Variants in FNDC1 observed in about 807,000 individuals in gnomAD.
FNDC1 encodes fibronectin type III domain containing 1.
A neutral mutation model predicts 168.0 loss-of-function variants in FNDC1; 96 were observed. That is an observed-to-expected ratio of 0.57 (90% CI 0.48 to 0.68). The LOEUF is 0.68. FNDC1 is among the 30% of genes least tolerant of loss of function. The pLI, the probability that FNDC1 is intolerant of heterozygous loss-of-function variation, is 0.00. For missense variants in FNDC1, 2,587 were observed against 2,482.1 expected (o/e 1.04, Z -0.90); for synonymous variants, 1,099 against 1,025.9 (o/e 1.07, Z -1.36).
intron 1 of FNDC1, among the ~76,000 whole-genome samples, chr6:159,175,220 G>A (rs942871041): frequency 2.6e-5 from 4 of 152,064 alleles, no homozygotes; most frequent in Non-Finnish European, 5.9e-5. Context: ...ATAATAACTG[G>A]CAGTTTAAAG....
At chr6:159,268,722 C>CTAT (rs1777642507) in intron 22 of FNDC1, among the ~76,000 whole-genome samples, 1 of 113,984 alleles carries the variant, frequency 8.8e-6, no homozygotes, top group Non-Finnish European at 2.0e-5. Context: ...ATTTATGCAT[C>CTAT]CATCTATCTA....
rs1783157093 is a variant in FNDC1 at position 159,233,547 on chromosome 6, C to T, written c.3035C>T (p.Thr1012Met). The T allele has an allele frequency of 1.3e-6, 2 of 1,594,040 alleles. No individual in the cohort carries two copies. The highest frequency in any genetic ancestry group is 1.7e-5 in the Admixed American group (1 of 58,130). The change falls in exon 11 of 23, where the codon ACG becomes ATG. Residue 1012 changes from threonine to methionine, a missense_variant. Coordinates refer to ENST00000297267, the MANE Select transcript of FNDC1 (RefSeq NM_032532.3). The surrounding 1 kb of genome is among the most constrained non-coding windows in gnomAD (Gnocchi z 4.6). ...PQQQPPPPVA[T>M]SQHHPGPQSR... The stretch of plus-strand genomic sequence containing the variant: ...CAGCAGCCCCCTCCTCCCGTCGCCA[C>T]GTCCCAGCACCACCCGGGACCCCAG...
chr6:159,192,766 T>A (rs912917144), intron 1 of FNDC1, among the ~76,000 whole-genome samples: 1 of 152,120 alleles, frequency 6.6e-6, no homozygotes, highest in African/African-American at 2.4e-5. Flanking sequence ...CATCCCACAC[T>A]CCTCTCCCTG....
rs1397205279 is a variant in FNDC1, at chr6:159,200,538, T to C, written c.417T>C (p.Gly139=). 1.2e-6 allele frequency: 2 copies of C among 1,600,588 alleles called. No homozygotes were observed. The highest frequency in any genetic ancestry group is 1.7e-6 in the Non-Finnish European group (2 of 1,172,976). Residue 139 remains glycine (G), a synonymous_variant, in exon 4 of 23, where the codon GGT becomes GGC. Transcript: ENST00000297267. ...GAGGTGAATGGATCGAGATTGATGG[T>C]TTTCCCATTAAGGGTCCAGGACCAT... The part of the protein sequence containing the change: ...PPGGEWIEID[G]FPIKGPGPFN...
intron 7 of FNDC1, among the ~76,000 whole-genome samples, chr6:159,224,975 T>A (rs1380659480): frequency 1.3e-5 from 2 of 152,206 alleles, no homozygotes; most frequent in African/African-American, 4.8e-5. Context: ...TATAGGTGCC[T>A]CTGTCCTGCT....
At chr6:159,172,497 A>G (rs148768240) in intron 1 of FNDC1, among the ~76,000 whole-genome samples, 96 of 152,326 alleles carry the variant, frequency 6.3e-4, no homozygotes, top group African/African-American at 2.1e-3. Flanking sequence ...AAAGTTTCCC[A>G]ATATTTAAAT....
chr6:159,266,078 G>C lies in FNDC1; in HGVS notation c.5285-6G>C, dbSNP rs1360991511. 3 of 1,613,558 alleles carry C rather than the reference G, an allele frequency of 1.9e-6. No individual in the cohort carries two copies. On this transcript the variant is annotated splice_region_variant and splice_polypyrimidine_tract_variant and intron_variant, in intron 20 of 22. Coordinates refer to ENST00000297267, the MANE Select transcript of FNDC1 (RefSeq NM_032532.3). ...ACCCTTAGCAGGTGTGTTTTGTGTT[G>C]TCAAGGCGGTGAGCCTATCTGGATC...
chr6:159,170,855 T>C (rs1003065420), intron 1 of FNDC1, among the ~76,000 whole-genome samples: 1 of 152,218 alleles, frequency 6.6e-6, no homozygotes, highest in Non-Finnish European at 1.5e-5. Flanking sequence ...TCTAGGAAAG[T>C]ATTCACTGAA....
At position 159,234,158 on chromosome 6, in the gene FNDC1, G is replaced by C. The variant is rs192765104; in HGVS notation, c.3646G>C (p.Asp1216His). 1 of 1,598,528 alleles carries C rather than the reference G, an allele frequency of 6.3e-7. No homozygotes were observed. Among genetic ancestry groups the C allele is most frequent in the Admixed American group, 1.7e-5 (1 of 57,872 alleles). Reference protein sequence around the residue: ...SSTPRGGKDADGSLAKEEREP... With the variant: ...SSTPRGGKDAHGSLAKEEREP... ...CACTCCCAGGGGCGGCAAAGACGCC[G>C]ATGGGAGCCTCGCCAAGGAAGAGAG... The change falls in exon 11 of 23, where the codon GAT (aspartate) becomes CAT (histidine). Residue 1216 changes from aspartate to histidine, a missense_variant. Transcript: ENST00000297267.
rs1783090504 is a variant in FNDC1, at chr6:159,231,926, C to A, written c.1414C>A (p.Pro472Thr). 2 of 1,613,034 alleles carry A rather than the reference C, an allele frequency of 1.2e-6. No individual in the cohort carries two copies. The highest frequency in any genetic ancestry group is 1.7e-6 in the Non-Finnish European group (2 of 1,179,628). Residue 472 changes from proline (P) to threonine (T), a missense_variant, in exon 11 of 23, where the codon CCC (proline) becomes ACC (threonine). Transcript: ENST00000297267. ...GCAGAACACGGAGGACAATGGGAAA[C>A]CCGAAAAACCTGAGCCTTCCTCACC... is the stretch of plus-strand genomic sequence containing the variant. ...VEQNTEDNGK[P>T]EKPEPSSPSP... is the part of the protein sequence containing the mutation.
intron 20 of FNDC1, among the ~76,000 whole-genome samples, chr6:159,265,589 T>C (rs1280152073): frequency 6.6e-6 from 1 of 152,102 alleles, no homozygotes; most frequent in Non-Finnish European, 1.5e-5. Flanking sequence ...ACTTTAGTAC[T>C]AAAAAACACA....
At chr6:159,256,711 G>A in intron 18 of FNDC1, 80 bp downstream of exon 18, 2 of 1,047,528 alleles carry the variant, frequency 1.9e-6, no homozygotes, top group South Asian at 2.8e-5. Context: ...ATGAAGGGAG[G>A]AATCAAAATG....
chr6:159,256,944 C>T (rs118058267), intron 18 of FNDC1, among the ~76,000 whole-genome samples: 6 of 152,316 alleles, frequency 3.9e-5, no homozygotes, highest in African/African-American at 7.2e-5. Flanking sequence ...GTCCCAATAT[C>T]GTGGCACTAG....
chr6:159,169,573 GCCCCGGCCCA>G lies in FNDC1; in HGVS notation c.-17_-8del. 1.0e-6 allele frequency: 1 copy of G among 978,402 alleles called. No individual in the cohort carries two copies. Among genetic ancestry groups the G allele is most frequent in the Non-Finnish European group, 1.3e-6 (1 of 796,558 alleles). 60.6% of individuals were successfully genotyped at this position (978,402 alleles called of 1,614,324 possible). On this transcript the variant is annotated 5_prime_UTR_variant, in exon 1 of 23. Coordinates refer to ENST00000297267, the MANE Select transcript of FNDC1 (RefSeq NM_032532.3). This position sits in a 1 kb window ranked among gnomAD's most constrained non-coding sequence, Gnocchi z 6.8. ...CCCCCCTGCCAGCCGCAAGCACCCA[GCCCCGGCCCA>G]CCCCGGGCTCTCGATGGCCCCCGAG... is the stretch of plus-strand genomic sequence containing the variant.
intron 4 of FNDC1, among the ~76,000 whole-genome samples, chr6:159,204,551 C>G (rs1470399302): frequency 1.3e-5 from 2 of 152,188 alleles, no homozygotes; most frequent in African/African-American, 4.8e-5. Flanking sequence ...TTCTTCTTTA[C>G]TTTATCCAGG....
intron 22 of FNDC1, among the ~76,000 whole-genome samples, chr6:159,269,044 G>A (rs1244826816): frequency 3.9e-5 from 2 of 51,088 alleles, no homozygotes; most frequent in Non-Finnish European, 1.1e-4. Flanking sequence ...CCACCTCTAG[G>A]TATCTATCTA....
chr6:159,176,444 GA>G (rs1027399704), intron 1 of FNDC1, among the ~76,000 whole-genome samples: 1 of 152,198 alleles, frequency 6.6e-6, no homozygotes, highest in Non-Finnish European at 1.5e-5. Flanking sequence ...TTTTGAGGGT[GA>G]ATTGACTGGG....
chr6:159,229,691 G>A (rs146964795), intron 9 of FNDC1, 124 bp from the exon 10 acceptor site: 282 of 770,526 alleles, frequency 3.7e-4, no homozygotes, highest in Admixed American at 5.7e-4. Context: ...GTGACTTGGC[G>A]TGCATTGCTA....
At chr6:159,214,456 A>AG (rs899020356) in intron 4 of FNDC1, among the ~76,000 whole-genome samples, 13 of 152,250 alleles carry the variant, frequency 8.5e-5, no homozygotes, top group Non-Finnish European at 1.5e-4. Context: ...AAGAAAAATT[A>AG]GGACCCAAAA....
Sources: allele counts gnomAD v4.1 joint callset (sites outside exome capture counted in the v4.1 genomes callset), GRCh38; gene constraint gnomAD v4.1.1; non-coding constraint Gnocchi (gnomAD v3.1); transcripts MANE v1.5; gene names NCBI Gene and HGNC (gene_info 2026-07-23, HGNC 2026-07-21).